NRDE2: variants seen among roughly 807,000 people sequenced by gnomAD.
NRDE2 encodes the protein nuclear exosome regulator NRDE2.
Under a neutral mutation model 124.2 loss-of-function variants are expected in NRDE2, and 76 were observed. That is an observed-to-expected ratio of 0.61 (90% confidence interval 0.51 to 0.74). The LOEUF (loss-of-function observed/expected upper bound fraction) is 0.74. Ranked by LOEUF, NRDE2 falls within the 30% of genes least tolerant of loss-of-function variation. The pLI is 0.00. For missense variants in NRDE2, 1,314 were observed against 1,417.3 expected, an observed-to-expected ratio of 0.93 and a Z score of 1.17; for synonymous variants, 489 against 528.1, an observed-to-expected ratio of 0.93 and a Z score of 1.01.
rs768334718 is a variant in NRDE2, at chr14:90,302,748, C to T, written c.1383G>A (p.Ala461=). 89 of 1,612,572 alleles carry T rather than the reference C, an allele frequency of 5.5e-5. No individual in the cohort carries two copies. The highest frequency in any genetic ancestry group is 2.0e-4 in the Admixed American group (12 of 59,862). ...ACATGGCCTCTTCCGTGCCAGGCAA[C>T]GCAGGGTGAGATAAGATGCTGCCGT... ...VKDGSILSHP[A]LPGTEEAMFA... is the part of the protein sequence containing the mutation. The change falls in exon 6 of 14, where the codon GCG becomes GCA. Residue 461 remains alanine, a synonymous_variant. Coordinates refer to ENST00000354366, the MANE Select transcript of NRDE2 (RefSeq NM_017970.4).
At chr14:90,299,626 G>A (rs1417329502) in intron 7 of NRDE2, among the ~76,000 whole-genome samples, 1 of 152,146 alleles carries the variant, frequency 6.6e-6, no homozygotes, top group Non-Finnish European at 1.5e-5. Context: ...GGATTATCTA[G>A]CCTGAGCCCT....
rs368609091 is a variant in NRDE2, at chr14:90,306,265, G to A, written c.558-1883C>T. On this transcript the variant is annotated intron_variant, in intron 4 of 13. Coordinates refer to ENST00000354366, the MANE Select transcript of NRDE2 (RefSeq NM_017970.4). ...CTCCACTTCACCTTGGTTCAGGGCC[G>A]GGCTCTCTCCCTCACCTCTGTGGCT... is the stretch of plus-strand genomic sequence containing the variant. Among the ~76,000 whole-genome samples the A allele has an allele frequency of 2.6e-4, 40 of 152,284 alleles. 1 individual carries two copies. In the South Asian group the frequency reaches 3.7e-3, roughly 14 times the overall value.
chr14:90,273,574 A>G lies in NRDE2; in HGVS notation c.*4762T>C, dbSNP rs1451030674. On this transcript the variant is annotated 3_prime_UTR_variant, in exon 14 of 14. Coordinates refer to ENST00000354366, the MANE Select transcript of NRDE2 (RefSeq NM_017970.4). ...CTCCGTCTCAAAAATAAATAAATAA[A>G]TAAATAAAAACCACAATTTTATCTC... 1 of 152,242 alleles carries G rather than the reference A, an allele frequency of 6.6e-6. No individual in the cohort carries two copies. The highest frequency in any genetic ancestry group is 1.5e-5 in the Non-Finnish European group (1 of 68,086). 9.4% of individuals were successfully genotyped at this position (152,242 alleles called of 1,614,324 possible).
At chr14:90,288,101 T>G in intron 11 of NRDE2, 116 bp downstream of exon 11, 1 of 931,402 alleles carries the variant, frequency 1.1e-6, no homozygotes, top group South Asian at 1.6e-5. Flanking sequence ...CGGCAGGTGT[T>G]CTGGGCACCG....
chr14:90,279,379 C>T, intron 12 of NRDE2: 1 of 443,694 alleles, frequency 2.3e-6, no homozygotes, highest in African/African-American at 2.0e-5. Flanking sequence ...CTGAACACTA[C>T]TGACTTTTTA....
chr14:90,283,706 G>GTTTTTTTTTTTTT (rs199636568), intron 12 of NRDE2, among the ~76,000 whole-genome samples: 3 of 147,154 alleles, frequency 2.0e-5, no homozygotes, highest in Non-Finnish European at 3.0e-5. Flanking sequence ...ACTTTTGCAG[G>GTTTTTTTTTTTTT]TTTTTTGTTT....
chr14:90,327,668 C>T (rs1200736534), intron 1 of NRDE2, among the ~76,000 whole-genome samples: 2 of 152,162 alleles, frequency 1.3e-5, no homozygotes, highest in African/African-American at 4.8e-5. Context: ...CTAGAAGTTA[C>T]TGGGACCCCC....
At position 90,301,338 on chromosome 14, in the gene NRDE2, C is replaced by G. The variant is rs1367217265; in HGVS notation, c.1446G>C (p.Gln482His). ...LFLQQCHFLR[Q>H]AGHSEKAISL... ...AGATGGCCTTCTCAGAGTGGCCAGCCTGCCGCAGAAAGTGGCACTGCTGAA... is the reference window on the plus strand; with the variant it reads ...AGATGGCCTTCTCAGAGTGGCCAGCGTGCCGCAGAAAGTGGCACTGCTGAA... Residue 482 changes from glutamine to histidine, a missense_variant, in exon 7 of 14, where the codon CAG becomes CAC. By Grantham distance (24) the Gln-to-His change is conservative (BLOSUM62 0). Coordinates refer to ENST00000354366, the MANE Select transcript of NRDE2 (RefSeq NM_017970.4). 1 of 1,613,978 alleles carries G rather than the reference C, an allele frequency of 6.2e-7. No homozygotes were observed. Among genetic ancestry groups the G allele is most frequent in the South Asian group, 1.1e-5 (1 of 91,074 alleles).
chr14:90,284,336 T>C (rs1484923721), intron 12 of NRDE2, among the ~76,000 whole-genome samples: 2 of 151,518 alleles, frequency 1.3e-5, no homozygotes, highest in Non-Finnish European at 2.9e-5. Flanking sequence ...AGGAGGTCAC[T>C]TTGTTTTTTT....
Position 90,274,833 on chromosome 14 carries a change from CA to C in NRDE2, c.*3502del, listed in dbSNP as rs1368488866. 8,048 of 91,042 alleles carry C rather than the reference CA, an allele frequency of 0.088. 328 individuals carry two copies. Among genetic ancestry groups the C allele is most frequent in the East Asian group, 0.23 (746 of 3,260 alleles). 5.6% of individuals were successfully genotyped at this position (91,042 alleles called of 1,614,324 possible). ...ACACACACACACACACACACACACA[CA>C]CACACCCCAATACATATGAATTGAT... On this transcript the variant is annotated 3_prime_UTR_variant, in exon 14 of 14. Coordinates refer to ENST00000354366, the MANE Select transcript of NRDE2 (RefSeq NM_017970.4).
intron 7 of NRDE2, among the ~76,000 whole-genome samples, chr14:90,298,694 G>T (rs887910911): frequency 2.0e-5 from 3 of 152,140 alleles, no homozygotes; most frequent in African/African-American, 4.8e-5. Context: ...CCGGGATTAG[G>T]TTACAAAAAG....
rs1380334104 is a variant in NRDE2 at position 90,286,438 on chromosome 14, C to T, written c.3213G>A (p.Arg1071=). 6.2e-7 allele frequency: 1 copy of T among 1,614,222 alleles called. No homozygotes were observed. Among genetic ancestry groups the T allele is most frequent in the Non-Finnish European group, 8.5e-7 (1 of 1,180,022 alleles). ...TGGCATTTTCAAACAGGGCTTGGAT[C>T]CGATGCATTAAGCCGGTCTCAGGAA... ...ATIPETGLMH[R]IQALFENAMR... Residue 1071 remains arginine, a synonymous_variant, in exon 12 of 14, where the codon CGG becomes CGA. Coordinates refer to ENST00000354366, the MANE Select transcript of NRDE2 (RefSeq NM_017970.4).
chr14:90,323,029 C>T (rs982373264), intron 1 of NRDE2, among the ~76,000 whole-genome samples: 8 of 152,120 alleles, frequency 5.3e-5, no homozygotes, highest in Admixed American at 1.3e-4. Flanking sequence ...TAGTAAATTA[C>T]GAGTTGGAAT....
chr14:90,269,265 T>G lies in NRDE2; in HGVS notation c.*9071A>C, dbSNP rs1175220454. On this transcript the variant is annotated 3_prime_UTR_variant, in exon 14 of 14. Transcript: ENST00000354366. ...TGAATTTATTTTTTCCGAGCATAATTGAGGGAGTGCCATGTGAGTTGAAAC... is the reference window on the plus strand; with the variant it reads ...TGAATTTATTTTTTCCGAGCATAATGGAGGGAGTGCCATGTGAGTTGAAAC... 37 of 749,996 alleles carry G rather than the reference T, an allele frequency of 4.9e-5. No homozygotes were observed. The East Asian group carries it at 6.6e-4, about 13-fold the overall frequency. 46.5% of individuals were successfully genotyped at this position (749,996 alleles called of 1,614,324 possible).
At chr14:90,282,275 G>A (rs994292137) in intron 12 of NRDE2, among the ~76,000 whole-genome samples, 26 of 151,798 alleles carry the variant, frequency 1.7e-4, no homozygotes, top group African/African-American at 4.4e-4. Flanking sequence ...CCAGGAGTTC[G>A]AGGCTAGCCT....
chr14:90,292,222 C>A (rs1045589907), intron 9 of NRDE2, among the ~76,000 whole-genome samples: 1 of 152,198 alleles, frequency 6.6e-6, no homozygotes, highest in African/African-American at 2.4e-5. Flanking sequence ...CCAACATGGA[C>A]CCTACGGCCA....
chr14:90,298,491 G>A (rs1049716963), intron 7 of NRDE2, 111 bp from the exon 8 acceptor site: 13 of 1,125,950 alleles, frequency 1.2e-5, no homozygotes, highest in Non-Finnish European at 1.7e-5. Context: ...TTGAAATCAT[G>A]TTTGCCATCA....
At chr14:90,312,593 C>G in intron 3 of NRDE2, 50 bp from the exon 4 acceptor site, 1 of 1,600,202 alleles carries the variant, frequency 6.2e-7, no homozygotes, top group Non-Finnish European at 8.6e-7. Context: ...AAAAAATCTT[C>G]CAGTGACGCA....
At chr14:90,309,897 T>C (rs1025912346) in intron 4 of NRDE2, among the ~76,000 whole-genome samples, 2 of 152,206 alleles carry the variant, frequency 1.3e-5, no homozygotes, top group African/African-American at 4.8e-5. Context: ...AGTGGTATCC[T>C]TGCAGTTTAG....
Sources: gnomAD v4.1 joint callset for allele counts (sites outside exome capture counted in the v4.1 genomes callset) on GRCh38, gnomAD v4.1.1 for gene constraint, MANE v1.5 for transcripts, NCBI Gene and HGNC (gene_info 2026-07-23, HGNC 2026-07-21) for gene names.